Variants in RAPGEF2 observed in about 807,000 individuals in gnomAD.
The protein encoded by RAPGEF2 is PDZ domain containing guanine nucleotide exchange factor (GEF) 1.
Under a neutral mutation model 186.7 loss-of-function variants are expected in RAPGEF2, and 54 were observed. That is an observed-to-expected ratio of 0.29 (90% confidence interval 0.23 to 0.36). The LOEUF is 0.36. Ranked by LOEUF, RAPGEF2 falls within the 10% of genes least tolerant of loss-of-function variation. RAPGEF2 has a pLI of 1.00. For synonymous variants in RAPGEF2, 712 were observed against 705.9 expected (o/e 1.01, Z -0.14); for missense variants, 1,532 against 2,045.0 (o/e 0.75, Z 4.84).
intron 4 of RAPGEF2, among the ~76,000 whole-genome samples, chr4:159,230,756 G>A (rs1405441142): frequency 6.6e-6 from 1 of 152,088 alleles, no homozygotes; most frequent in Non-Finnish European, 1.5e-5. Context: ...AGTGAGCCTG[G>A]TCATTGAGAA....
chr4:159,223,933 C>G (rs1298972585), intron 4 of RAPGEF2, among the ~76,000 whole-genome samples: 1 of 151,610 alleles, frequency 6.6e-6, no homozygotes, highest in Non-Finnish European at 1.5e-5. Flanking sequence ...GAGTCTCGCT[C>G]TGCCACCCAG....
intron 7 of RAPGEF2, among the ~76,000 whole-genome samples, chr4:159,265,983 G>T (rs528686388): frequency 6.6e-6 from 1 of 152,202 alleles, no homozygotes; most frequent in Non-Finnish European, 1.5e-5. Flanking sequence ...ATGAGGAATG[G>T]TGAAAACCAA....
intron 19 of RAPGEF2, among the ~76,000 whole-genome samples, chr4:159,340,774 C>T (rs527255523): frequency 1.1e-5 from 1 of 94,550 alleles, no homozygotes; most frequent in Admixed American, 1.2e-4. Flanking sequence ...ATACCACCAC[C>T]ATCACCACAC....
intron 7 of RAPGEF2, among the ~76,000 whole-genome samples, chr4:159,289,065 A>T (rs530328558): frequency 3.3e-5 from 5 of 152,074 alleles, no homozygotes; most frequent in Admixed American, 2.6e-4. Context: ...TTTTTTTAAA[A>T]TTTTTTATTG....
intron 1 of RAPGEF2, among the ~76,000 whole-genome samples, chr4:159,129,315 A>C (rs1170047791): frequency 2.0e-5 from 3 of 152,130 alleles, no homozygotes; most frequent in African/African-American, 4.8e-5. Context: ...AGACCTTTTG[A>C]AAGTGCCACA....
Position 159,350,242 on chromosome 4 carries a change from C to G in RAPGEF2, c.3818C>G (p.Ser1273Trp). 6.3e-7 allele frequency: 1 copy of G among 1,599,440 alleles called. No homozygotes were observed. Among genetic ancestry groups the G allele is most frequent in the Non-Finnish European group, 8.5e-7 (1 of 1,173,138 alleles). Residue 1273 changes from serine to tryptophan, a missense_variant, in exon 26 of 30, where the codon TCG (serine) becomes TGG (tryptophan). By Grantham distance (177) the Ser-to-Trp change is radical. Transcript: ENST00000691494. ...GAAGATACAATATCAAATGCATCTT[C>G]GCAGCTTTCTTCTCCTCCTACTTCT... ...QAEDTISNAS[S>W]QLSSPPTSPQ...
At chr4:159,301,687 A>C (rs1474267178) in intron 7 of RAPGEF2, among the ~76,000 whole-genome samples, 2 of 152,014 alleles carry the variant, frequency 1.3e-5, no homozygotes, top group Non-Finnish European at 2.9e-5. Context: ...AGACCCTTTT[A>C]TTATCTACAA....
intron 8 of RAPGEF2, among the ~76,000 whole-genome samples, chr4:159,306,413 T>C (rs748356716): frequency 2.0e-5 from 3 of 152,184 alleles, no homozygotes; most frequent in Non-Finnish European, 4.4e-5. Flanking sequence ...ATTGCTTTCT[T>C]GATTTTGTTC....
chr4:159,144,463 T>A (rs1179415617), intron 1 of RAPGEF2, among the ~76,000 whole-genome samples: 1 of 152,238 alleles, frequency 6.6e-6, no homozygotes, highest in Non-Finnish European at 1.5e-5. Flanking sequence ...AGTACAAACT[T>A]ACTTGACTTT....
At chr4:159,141,236 T>G (rs1470461100) in intron 1 of RAPGEF2, among the ~76,000 whole-genome samples, 1 of 152,242 alleles carries the variant, frequency 6.6e-6, no homozygotes, top group Non-Finnish European at 1.5e-5. Context: ...AAAATTTTTA[T>G]AATCCTATCG....
At chr4:159,188,626 C>G (rs375157030) in intron 2 of RAPGEF2, among the ~76,000 whole-genome samples, 1 of 145,898 alleles carries the variant, frequency 6.9e-6, no homozygotes, top group Non-Finnish European at 1.5e-5. Flanking sequence ...ATCGCACCAC[C>G]GCACTCCAGC....
rs1430273754 is a variant in RAPGEF2, at chr4:159,229,045, G to A, written c.282-9764G>A. 1.3e-5 allele frequency among the ~76,000 whole-genome samples: 2 copies of A among 152,096 alleles called. 1 individual carries two copies. Among genetic ancestry groups the A allele is most frequent in the South Asian group, 4.1e-4 (2 of 4,824 alleles). ...AAACAAATCAATTGGTTTTGATTTA[G>A]GAACATCAGTCCAGTCAGTTACTTA... On this transcript the variant is annotated intron_variant, in intron 4 of 29. Coordinates refer to ENST00000691494, the MANE Select transcript of RAPGEF2 (RefSeq NM_001394067.2).
rs1481619128 is a variant in RAPGEF2, at chr4:159,323,638, AAT to A, written c.1149+28_1149+29del. The A allele has an allele frequency of 2.9e-6, 4 of 1,370,308 alleles. 1 individual carries two copies. The Admixed American group carries it at 1.1e-4, about 37-fold the overall frequency. The allele number at this position is 1,370,308 out of a possible 1,614,324, so 84.9% of individuals were successfully genotyped here. ...GCCAGGTATAAAATATATCATTAAA[AAT>A]ATATATTTTATTCTTAATAAAGAAC... On this transcript the variant is annotated intron_variant, in intron 11 of 29. Coordinates refer to ENST00000691494, the MANE Select transcript of RAPGEF2 (RefSeq NM_001394067.2).
intron 28 of RAPGEF2, 22 bp downstream of exon 28, chr4:159,354,068 C>T: frequency 6.5e-7 from 1 of 1,531,686 alleles, no homozygotes; most frequent in South Asian, 1.3e-5. Context: ...AATTGGGGGA[C>T]TTTGTCATGT....
intron 25 of RAPGEF2, among the ~76,000 whole-genome samples, chr4:159,348,766 C>T (rs1730761669): frequency 6.6e-6 from 1 of 152,122 alleles, no homozygotes; most frequent in African/African-American, 2.4e-5. Flanking sequence ...AGCCATAGCT[C>T]TCAAAATGTC....
In RAPGEF2 at chr4:159,331,798, A is replaced by G; in HGVS notation, c.1744A>G (p.Lys582Glu). Residue 582 changes from lysine (K) to glutamate (E), a missense_variant, in exon 15 of 30, where the codon AAA (lysine) becomes GAA (glutamate). Coordinates refer to ENST00000691494, the MANE Select transcript of RAPGEF2 (RefSeq NM_001394067.2). ...TGTTGACAGTGTAGATTCAGGTAGC[A>G]AAGCAACTGAAGCAGGCTTGAAACG... is the stretch of plus-strand genomic sequence containing the variant. ...IFVDSVDSGS[K>E]ATEAGLKRGD... 1 of 1,613,734 alleles carries G rather than the reference A, an allele frequency of 6.2e-7. No homozygotes were observed. Among genetic ancestry groups the G allele is most frequent in the Non-Finnish European group, 8.5e-7 (1 of 1,179,912 alleles).
intron 1 of RAPGEF2, among the ~76,000 whole-genome samples, chr4:159,183,413 TA>T (rs1475996421): frequency 6.6e-6 from 1 of 152,140 alleles, no homozygotes; most frequent in Non-Finnish European, 1.5e-5. Flanking sequence ...ATACAAAAAT[TA>T]AAATGGATCA....
At chr4:159,179,829 T>A (rs1464981913) in intron 1 of RAPGEF2, among the ~76,000 whole-genome samples, 1 of 152,196 alleles carries the variant, frequency 6.6e-6, no homozygotes, top group Non-Finnish European at 1.5e-5. Flanking sequence ...CTGGTAGATT[T>A]CATTTCTCTT....
chr4:159,352,472 T>C (rs532615954), intron 26 of RAPGEF2: 6 of 511,622 alleles, frequency 1.2e-5, no homozygotes, highest in South Asian at 5.7e-5. Flanking sequence ...ATACTTTCTT[T>C]TTTCCTCTCT....
Sources: gnomAD v4.1 joint callset for allele counts (sites outside exome capture counted in the v4.1 genomes callset) on GRCh38, gnomAD v4.1.1 for gene constraint, MANE v1.5 for transcripts, NCBI Gene and HGNC (gene_info 2026-07-23, HGNC 2026-07-21) for gene names.